The following EIF3L variants were observed in gnomAD, a reference collection of about 807,000 sequenced individuals.
The protein encoded by EIF3L is eIEF associated protein HSPC021.
A neutral mutation model predicts 74.6 loss-of-function variants in EIF3L; 32 were observed. That is an observed-to-expected ratio of 0.43 (90% CI 0.32 to 0.58). The LOEUF (loss-of-function observed/expected upper bound fraction) is 0.58. Ranked by LOEUF, EIF3L falls within the 20% of genes least tolerant of loss-of-function variation. The pLI is 0.06. For missense variants in EIF3L, 474 were observed against 707.8 expected (o/e 0.67, Z 3.75); for synonymous variants, 256 against 254.4 (o/e 1.01, Z -0.06).
chr22:37,869,299 GT>G (rs1926349816), intron 7 of EIF3L, among the ~76,000 whole-genome samples: 2 of 152,086 alleles, frequency 1.3e-5, no homozygotes, highest in South Asian at 4.2e-4. Flanking sequence ...TGGCTAATTC[GT>G]TTGTGTTTTT....
rs967780605 is a variant in EIF3L at position 37,877,447 on chromosome 22, G to C, written c.1078-227G>C. 3 of 539,574 alleles carry C rather than the reference G, an allele frequency of 5.6e-6. No individual in the cohort carries two copies. The African/African-American group carries it at 5.7e-5, about 10-fold the overall frequency. The allele number at this position is 539,574 out of a possible 1,614,324, so 33.4% of individuals were successfully genotyped here. On this transcript the variant is annotated intron_variant, in intron 10 of 12. Coordinates refer to ENST00000652021, the MANE Select transcript of EIF3L (RefSeq NM_016091.4). ...ACAAACTGGAGAGACTAAGACAGAGGTGCCAGTAAGGAATCCAGAAGATGG... is the reference window on the plus strand; with the variant it reads ...ACAAACTGGAGAGACTAAGACAGAGCTGCCAGTAAGGAATCCAGAAGATGG...
At chr22:37,863,126 TAGC>T (rs890767124) in intron 6 of EIF3L, 88 bp downstream of exon 6, 10 of 1,237,778 alleles carry the variant, frequency 8.1e-6, no homozygotes, top group Non-Finnish European at 1.1e-5. Context: ...TTTTTTAAAT[TAGC>T]AGGATCTTAA....
chr22:37,853,529 G>A (rs1925340183), intron 3 of EIF3L, among the ~76,000 whole-genome samples: 1 of 152,196 alleles, frequency 6.6e-6, no homozygotes, highest in African/African-American at 2.4e-5. Flanking sequence ...CAGCTAGTTG[G>A]GAGGCTGAGG....
chr22:37,873,586 C>G (rs939000347), intron 8 of EIF3L, among the ~76,000 whole-genome samples: 13 of 152,128 alleles, frequency 8.5e-5, no homozygotes, highest in Non-Finnish European at 1.9e-4. Context: ...AGCCACCGCT[C>G]CCGACCTATG....
At chr22:37,853,856 G>C (rs1159732290) in intron 3 of EIF3L, among the ~76,000 whole-genome samples, 1 of 152,064 alleles carries the variant, frequency 6.6e-6, no homozygotes, top group Non-Finnish European at 1.5e-5. Context: ...ATTCAAATTT[G>C]AAATTTGAAT....
intron 11 of EIF3L, chr22:37,882,773 T>C (rs139846): frequency 0.29 from 43,787 of 151,848 alleles, 7,708 homozygotes; most frequent in Non-Finnish European, 0.38. Flanking sequence ...GAGGCCGAGC[T>C]AGGCGGAACA....
At chr22:37,870,439 G>T in intron 8 of EIF3L, 92 bp downstream of exon 8, 1 of 1,277,556 alleles carries the variant, frequency 7.8e-7, no homozygotes, top group Non-Finnish European at 1.1e-6. Flanking sequence ...GAGAGCAGAT[G>T]AGTCACCATG....
intron 11 of EIF3L, 106 bp downstream of exon 11, chr22:37,878,277 T>A: frequency 7.1e-7 from 1 of 1,417,434 alleles, no homozygotes; most frequent in Non-Finnish European, 9.4e-7. Flanking sequence ...ATTCCTGGCC[T>A]TGTGGTGCTG....
At chr22:37,869,777 C>T (rs942582313) in intron 7 of EIF3L, among the ~76,000 whole-genome samples, 2 of 152,092 alleles carry the variant, frequency 1.3e-5, no homozygotes, top group African/African-American at 4.8e-5. Flanking sequence ...GCCCATAACC[C>T]AGGGCGTACC....
intron 3 of EIF3L, among the ~76,000 whole-genome samples, chr22:37,854,686 G>C (rs2413489): frequency 0.73 from 111,665 of 152,150 alleles, 42,199 homozygotes; most frequent in African/African-American, 0.92. Context: ...AGGCTGGTCT[G>C]GAACTCCTAA....
intron 9 of EIF3L, 89 bp downstream of exon 9, chr22:37,874,613 G>T: frequency 7.1e-7 from 1 of 1,414,268 alleles, no homozygotes; most frequent in South Asian, 1.4e-5. Flanking sequence ...AAATTTCCAG[G>T]AGAGGAAAGA....
At chr22:37,855,688 G>T (rs1439585416) in intron 4 of EIF3L, 44 bp downstream of exon 4, 2 of 1,519,404 alleles carry the variant, frequency 1.3e-6, no homozygotes, top group Non-Finnish European at 1.8e-6. Context: ...GTGGAATCCA[G>T]TGGCTGAGTC....
intron 8 of EIF3L, among the ~76,000 whole-genome samples, chr22:37,874,155 G>A (rs961006339): frequency 5.3e-5 from 8 of 152,168 alleles, no homozygotes; most frequent in Non-Finnish European, 1.0e-4. Flanking sequence ...TAAGCAAAAT[G>A]AACTGCCATC....
intron 7 of EIF3L, among the ~76,000 whole-genome samples, chr22:37,866,679 A>C (rs1031083983): frequency 5.3e-5 from 8 of 152,042 alleles, no homozygotes; most frequent in Admixed American, 3.3e-4. Flanking sequence ...CCAGCTATTT[A>C]GGAGGCTGAG....
chr22:37,887,856 A>C (rs541589890), intron 12 of EIF3L: 1 of 152,496 alleles, frequency 6.6e-6, no homozygotes, highest in African/African-American at 2.4e-5. Context: ...CTGTTTTGAC[A>C]TACTTGGTGC....
chr22:37,880,907 C>G (rs1469235702), intron 11 of EIF3L: 1 of 152,220 alleles, frequency 6.6e-6, no homozygotes, highest in Non-Finnish European at 1.5e-5. Flanking sequence ...AGTCACCGTC[C>G]ATTGTGTGTA....
chr22:37,856,783 GCGGTGAGC>G (rs1382832963), intron 4 of EIF3L, among the ~76,000 whole-genome samples: 2 of 151,646 alleles, frequency 1.3e-5, no homozygotes, highest in Admixed American at 1.3e-4. Flanking sequence ...GGCAGAGGTT[GCGGTGAGC>G]CGAGATCGCG....
At chr22:37,872,503 T>C (rs916967290) in intron 8 of EIF3L, among the ~76,000 whole-genome samples, 2 of 152,202 alleles carry the variant, frequency 1.3e-5, no homozygotes, top group African/African-American at 4.8e-5. Flanking sequence ...TACATTTTTT[T>C]AAAAAGTCAG....
intron 7 of EIF3L, among the ~76,000 whole-genome samples, chr22:37,863,658 A>G (rs1290466140): frequency 1.3e-5 from 2 of 152,194 alleles, no homozygotes; most frequent in Non-Finnish European, 2.9e-5. Flanking sequence ...GTGGATTCTA[A>G]CTTGGGTGCT....
Sources: gnomAD v4.1 joint callset for allele counts (sites outside exome capture counted in the v4.1 genomes callset) on GRCh38, gnomAD v4.1.1 for gene constraint, MANE v1.5 for transcripts, NCBI Gene and HGNC (gene_info 2026-07-23, HGNC 2026-07-21) for gene names.